The following GRM5 variants were observed in gnomAD, a reference collection of about 807,000 sequenced individuals.
GRM5 encodes glutamate metabotropic receptor 5, also known as metabotropic glutamate receptor 5.
A neutral mutation model predicts 83.1 loss-of-function variants in GRM5; 19 were observed. The ratio of observed to expected loss-of-function variants is 0.23; its 90% CI spans 0.16 to 0.34. The LOEUF is 0.34. GRM5 is among the 10% of genes least tolerant of loss of function. The pLI, the probability that GRM5 is intolerant of heterozygous loss-of-function variation, is 1.00. For synonymous variants in GRM5, 675 were observed against 633.6 expected, an observed-to-expected ratio of 1.07 and a Z score of -0.98; for missense variants, 1,160 against 1,588.3, an observed-to-expected ratio of 0.73 and a Z score of 4.58.
intron 2 of GRM5, among the ~76,000 whole-genome samples, chr11:89,026,204 C>T (rs1322568046): frequency 6.6e-6 from 1 of 152,172 alleles, no homozygotes; most frequent in Non-Finnish European, 1.5e-5. Flanking sequence ...AATCTACTCA[C>T]TGGGTACTAT....
chr11:88,747,441 C>G (rs974962508), intron 3 of GRM5, among the ~76,000 whole-genome samples: 1 of 152,084 alleles, frequency 6.6e-6, no homozygotes, highest in Non-Finnish European at 1.5e-5. Context: ...GTTAAACTAC[C>G]AGATCACTAG....
rs115876545 is a variant in GRM5, at chr11:88,585,703, C to T, written c.1690+4898G>A. Among the ~76,000 whole-genome samples the T allele has an allele frequency of 7.3e-3, 1,117 of 152,260 alleles. 11 individuals are homozygous for T. The highest frequency in any genetic ancestry group is 0.026 in the African/African-American group (1,079 of 41,556). On this transcript the variant is annotated intron_variant, in intron 7 of 9. Coordinates refer to ENST00000305447, the MANE Select transcript of GRM5 (RefSeq NM_001143831.3). ...GTTAGCTTTTACTGTTATGGGCTCT[C>T]ACACCATTCTGGCCTTCTCTGTTGT...
chr11:88,974,222 A>G (rs1209335737), intron 2 of GRM5, among the ~76,000 whole-genome samples: 2 of 152,128 alleles, frequency 1.3e-5, no homozygotes, highest in African/African-American at 2.4e-5. Flanking sequence ...ATTTGTTTAA[A>G]TCTTGGTAGC....
At chr11:88,855,938 G>C (rs1270184572) in intron 2 of GRM5, among the ~76,000 whole-genome samples, 3 of 151,864 alleles carry the variant, frequency 2.0e-5, no homozygotes, top group Non-Finnish European at 2.9e-5. Context: ...TTTTGGAAGA[G>C]TAAATACATT....
At chr11:88,654,045 G>T (rs1354099386) in intron 3 of GRM5, among the ~76,000 whole-genome samples, 1 of 152,044 alleles carries the variant, frequency 6.6e-6, no homozygotes, top group East Asian at 1.9e-4. Context: ...CATTAAAAAT[G>T]TACATCTGAA....
chr11:88,705,211 A>G (rs958143090), intron 3 of GRM5, among the ~76,000 whole-genome samples: 4 of 152,000 alleles, frequency 2.6e-5, no homozygotes, highest in Non-Finnish European at 5.9e-5. Context: ...TCAGCCTGGA[A>G]GCACATTAGA....
intron 8 of GRM5, among the ~76,000 whole-genome samples, chr11:88,566,024 T>A (rs1027282013): frequency 2.2e-4 from 33 of 152,318 alleles, no homozygotes; most frequent in South Asian, 4.1e-4. Context: ...AGGAGAATAG[T>A]TCAAGAGATG....
chr11:88,741,339 C>T (rs956106782), intron 3 of GRM5, among the ~76,000 whole-genome samples: 8 of 151,968 alleles, frequency 5.3e-5, no homozygotes, highest in Non-Finnish European at 8.8e-5. Context: ...GCACCTGCTT[C>T]GGTAGGTGTA....
intron 2 of GRM5, among the ~76,000 whole-genome samples, chr11:88,982,046 G>T (rs1350148105): frequency 6.6e-6 from 1 of 152,154 alleles, no homozygotes; most frequent in East Asian, 1.9e-4. Flanking sequence ...AAACCTTAGG[G>T]AAAGCAAAGT....
rs72052705 is a variant in GRM5, at chr11:88,668,297, GCACACACACACA to G, written c.912-14906_912-14895del. On this transcript the variant is annotated intron_variant, in intron 3 of 9. Transcript: ENST00000305447. ...TTATTTAAAACATCCCCAGAAACTC[GCACACACACACA>G]CACACACACACACACACACACACAC... Among the ~76,000 whole-genome samples, 42 of 130,118 alleles carry G rather than the reference GCACACACACACA, an allele frequency of 3.2e-4. No homozygotes were observed. The South Asian group carries it at 4.2e-3, about 13-fold the overall frequency. 85.4% of individuals were successfully genotyped at this position (130,118 alleles called of 152,430 possible).
At chr11:89,005,354 G>A (rs890858757) in intron 2 of GRM5, among the ~76,000 whole-genome samples, 3 of 152,128 alleles carry the variant, frequency 2.0e-5, no homozygotes, top group African/African-American at 7.2e-5. Context: ...GAAATAACAG[G>A]AGTCAGGAAG....
chr11:88,731,165 A>T (rs986789290), intron 3 of GRM5, among the ~76,000 whole-genome samples: 2 of 152,056 alleles, frequency 1.3e-5, no homozygotes, highest in East Asian at 3.9e-4. Flanking sequence ...GTCCTTTATG[A>T]TACACACTTA....
intron 2 of GRM5, among the ~76,000 whole-genome samples, chr11:89,029,907 G>C (rs1460004606): frequency 6.6e-6 from 1 of 152,118 alleles, no homozygotes; most frequent in Admixed American, 6.6e-5. Flanking sequence ...AGCAACAAAA[G>C]AGACAACCAA....
chr11:89,007,807 A>G (rs1277813701), intron 2 of GRM5, among the ~76,000 whole-genome samples: 1 of 152,198 alleles, frequency 6.6e-6, no homozygotes, highest in Non-Finnish European at 1.5e-5. Flanking sequence ...AGTAAAAGAA[A>G]GTACTGAATG....
intron 3 of GRM5, among the ~76,000 whole-genome samples, chr11:88,738,864 C>T (rs1003529120): frequency 6.6e-6 from 1 of 152,056 alleles, no homozygotes; most frequent in South Asian, 2.1e-4. Context: ...CAGTCCTGAA[C>T]CTTTCATTGA....
At chr11:88,845,728 C>A (rs1440012687) in intron 3 of GRM5, among the ~76,000 whole-genome samples, 1 of 151,374 alleles carries the variant, frequency 6.6e-6, no homozygotes, top group Non-Finnish European at 1.5e-5. Context: ...CCACCGCGCC[C>A]CCCCCCACTT....
At chr11:89,062,591 C>G (rs549290974) in intron 1 of GRM5, among the ~76,000 whole-genome samples, 8 of 152,236 alleles carry the variant, frequency 5.3e-5, no homozygotes, top group African/African-American at 1.9e-4. Context: ...ATCTTGGTTA[C>G]TCGATGTTAA....
At chr11:88,970,211 G>A (rs1939124536) in intron 2 of GRM5, among the ~76,000 whole-genome samples, 2 of 152,080 alleles carry the variant, frequency 1.3e-5, no homozygotes, top group African/African-American at 4.8e-5. Flanking sequence ...ATCATAGGAG[G>A]TATAGTGGCT....
chr11:88,833,333 A>T (rs1944031642), intron 3 of GRM5, among the ~76,000 whole-genome samples: 1 of 152,156 alleles, frequency 6.6e-6, no homozygotes, highest in Non-Finnish European at 1.5e-5. Context: ...AAAAGACATG[A>T]ACAGACATTT....
Sources: allele counts gnomAD v4.1 joint callset (sites outside exome capture counted in the v4.1 genomes callset), GRCh38; gene constraint gnomAD v4.1.1; transcripts MANE v1.5; gene names NCBI Gene and HGNC (gene_info 2026-07-23, HGNC 2026-07-21).